The following GFM1 variants were observed in gnomAD, a reference collection of about 807,000 sequenced individuals.
The protein encoded by GFM1 is elongation factor G, mitochondrial.
GFM1 carries 62 observed loss-of-function variants against 96.2 expected under a neutral mutation model. That is an observed-to-expected ratio of 0.64 (90% CI 0.53 to 0.80). GFM1 has a LOEUF of 0.80. GFM1 is among the 30% of genes least tolerant of loss of function. The pLI is 0.00. For missense variants in GFM1, 852 were observed against 916.6 expected, an observed-to-expected ratio of 0.93 and a Z score of 0.91; for synonymous variants, 282 against 312.9, an observed-to-expected ratio of 0.90 and a Z score of 1.04.
chr3:158,664,225 T>G (rs766952451), intron 11 of GFM1, among the ~76,000 whole-genome samples: 1 of 152,252 alleles, frequency 6.6e-6, no homozygotes, highest in African/African-American at 2.4e-5. Context: ...TATTGCTGAC[T>G]TAAGAAGTTA....
At chr3:158,654,219 T>C (rs1028870560) in intron 7 of GFM1, among the ~76,000 whole-genome samples, 2 of 142,366 alleles carry the variant, frequency 1.4e-5, no homozygotes, top group Non-Finnish European at 3.1e-5. Context: ...TTTTTTTTTT[T>C]TTTTTTTTTT....
In GFM1 at chr3:158,646,292, C is replaced by T; in HGVS notation, c.362C>T (p.Thr121Ile). ...GATGTCAATATTAACATTATAGATACTCCTGGTGAGTTGGATTCTTGGTTT... is the reference window on the plus strand; with the variant it reads ...GATGTCAATATTAACATTATAGATATTCCTGGTGAGTTGGATTCTTGGTTT... ...WKDVNINIID[T>I]PGHVDFTIEV... The change falls in exon 3 of 18, where the codon ACT (threonine) becomes ATT (isoleucine). Residue 121 changes from threonine to isoleucine, a missense_variant. Transcript: ENST00000486715. 7 of 1,614,096 alleles carry T rather than the reference C, an allele frequency of 4.3e-6. No individual in the cohort carries two copies. Among genetic ancestry groups the T allele is most frequent in the Non-Finnish European group, 5.9e-6 (7 of 1,179,946 alleles).
intron 13 of GFM1, chr3:158,669,483 T>C: frequency 5.0e-6 from 8 of 1,613,974 alleles, no homozygotes; most frequent in Non-Finnish European, 6.8e-6. Context: ...AAGTCTTTGA[T>C]AAAATGTGTT....
chr3:158,690,924 G>A (rs1294352918), intron 16 of GFM1, among the ~76,000 whole-genome samples: 8 of 152,232 alleles, frequency 5.3e-5, no homozygotes. Context: ...GAAAGATTTG[G>A]TTTCTGGTTG....
In GFM1 at chr3:158,690,224, A is replaced by T; in HGVS notation, c.1971A>T (p.Pro657=). ...EPIMAVEVVA[P]NEFQGQVIAG... Reference sequence around the variant, plus strand: ...TTATGGCTGTGGAAGTTGTAGCTCCAAATGAATTTCAGGGACAAGTAATTG... The same window carrying T: ...TTATGGCTGTGGAAGTTGTAGCTCCTAATGAATTTCAGGGACAAGTAATTG... The change falls in exon 16 of 18, where the codon CCA becomes CCT. Residue 657 remains proline, a synonymous_variant. Transcript: ENST00000486715. 1 of 1,613,956 alleles carries T rather than the reference A, an allele frequency of 6.2e-7. No individual in the cohort carries two copies. Among genetic ancestry groups the T allele is most frequent in the Non-Finnish European group, 8.5e-7 (1 of 1,179,838 alleles).
intron 13 of GFM1, chr3:158,672,565 G>A (rs1406700830): frequency 1.3e-5 from 20 of 1,548,884 alleles, no homozygotes; most frequent in Non-Finnish European, 1.8e-5. Context: ...TTGCTGCTGG[G>A]TCCGGTTGCC....
intron 9 of GFM1, among the ~76,000 whole-genome samples, chr3:158,660,035 C>T (rs1043147949): frequency 9.2e-5 from 14 of 152,132 alleles, no homozygotes; most frequent in Admixed American, 8.5e-4. Flanking sequence ...CTTGGAGGCA[C>T]CAATGCTTTG....
At chr3:158,660,681 A>G in intron 9 of GFM1, 193 bp from the exon 10 acceptor site, 1 of 598,228 alleles carries the variant, frequency 1.7e-6, no homozygotes, top group South Asian at 2.0e-5. Flanking sequence ...GTTTAAATGA[A>G]GGCCTTTTAA....
At chr3:158,672,445 T>C (rs201539864) in intron 13 of GFM1, 1 of 1,614,024 alleles carries the variant, frequency 6.2e-7, no homozygotes, top group East Asian at 2.2e-5. Context: ...AAGGCCGCCC[T>C]GGAGGCTGGG....
At chr3:158,650,913 C>G (rs897229931) in intron 5 of GFM1, 5 of 143,442 alleles carry the variant, frequency 3.5e-5, no homozygotes, top group Non-Finnish European at 7.5e-5. Flanking sequence ...TCCAGCTACT[C>G]GGGAGGCTGA....
intron 13 of GFM1, among the ~76,000 whole-genome samples, chr3:158,677,509 C>CT (rs35580697): frequency 2.0e-5 from 3 of 151,352 alleles, no homozygotes; most frequent in Non-Finnish European, 4.4e-5. Context: ...TTTCTTTTTT[C>CT]TTTTTTTTTG....
At chr3:158,684,294 C>G (rs1026325273) in intron 14 of GFM1, among the ~76,000 whole-genome samples, 1 of 151,848 alleles carries the variant, frequency 6.6e-6, no homozygotes, top group Non-Finnish European at 1.5e-5. Flanking sequence ...TACAACAAAC[C>G]CCCATGACAT....
At chr3:158,651,288 T>C (rs2108014867) in intron 5 of GFM1, among the ~76,000 whole-genome samples, 1 of 152,252 alleles carries the variant, frequency 6.6e-6, no homozygotes, top group East Asian at 1.9e-4. Context: ...AGTAAGGTCT[T>C]CCTAGTACTG....
intron 7 of GFM1, among the ~76,000 whole-genome samples, chr3:158,653,842 G>A (rs1722503294): frequency 6.6e-6 from 1 of 152,026 alleles, no homozygotes. Context: ...AGGCCAAGGC[G>A]GGCGGATCAC....
At chr3:158,649,992 C>G (rs1252469267) in intron 5 of GFM1, 7 of 1,534,442 alleles carry the variant, frequency 4.6e-6, no homozygotes, top group African/African-American at 1.4e-5. Context: ...GTAGCCTGGT[C>G]GTTTCTCCAC....
At chr3:158,682,244 T>C in intron 14 of GFM1, 87 bp downstream of exon 14, 1 of 1,130,674 alleles carries the variant, frequency 8.8e-7, no homozygotes, top group Non-Finnish European at 1.3e-6. Flanking sequence ...TCCATCATGT[T>C]GTCTATCACA....
At chr3:158,653,585 A>C (rs1367865646) in intron 7 of GFM1, 118 bp downstream of exon 7, 1 of 784,472 alleles carries the variant, frequency 1.3e-6, no homozygotes, top group Non-Finnish European at 2.1e-6. Context: ...ATAATTTACA[A>C]TCATGGTTTT....
intron 15 of GFM1, among the ~76,000 whole-genome samples, chr3:158,685,720 A>G (rs999006845): frequency 2.6e-5 from 4 of 152,146 alleles, no homozygotes; most frequent in Non-Finnish European, 5.9e-5. Context: ...GAAATTTATG[A>G]TGTAGAAATC....
intron 7 of GFM1, among the ~76,000 whole-genome samples, chr3:158,654,287 C>T (rs1357666935): frequency 7.4e-6 from 1 of 134,268 alleles, no homozygotes. Flanking sequence ...AGTAATAGCT[C>T]ACCACAGCCT....
Sources: allele counts gnomAD v4.1 joint callset (sites outside exome capture counted in the v4.1 genomes callset), GRCh38; gene constraint gnomAD v4.1.1; transcripts MANE v1.5; gene names NCBI Gene and HGNC (gene_info 2026-07-23, HGNC 2026-07-21).